The following ADAMTS17 variants were observed in gnomAD, a reference collection of about 807,000 sequenced individuals.
ADAMTS17 encodes the protein A disintegrin and metalloproteinase with thrombospondin motifs 17.
A neutral mutation model predicts 141.5 loss-of-function variants in ADAMTS17; 113 were observed. That is an observed-to-expected ratio of 0.80 (90% CI 0.69 to 0.93). The LOEUF is 0.93. Among genes scored for constraint, ADAMTS17 ranks in the 40% least tolerant of loss-of-function variants. ADAMTS17 has a pLI of 0.00. For synonymous variants in ADAMTS17, 768 were observed against 630.6 expected (o/e 1.22, Z -3.27); for missense variants, 1,659 against 1,517.9 (o/e 1.09, Z -1.54).
rs550250750 is a variant in ADAMTS17 at position 100,197,716 on chromosome 15, C to T, written c.1181+1602G>A. Among the ~76,000 whole-genome samples, 4 of 152,268 alleles carry T rather than the reference C, an allele frequency of 2.6e-5. No individual in the cohort carries two copies. In the South Asian group the frequency reaches 6.2e-4, roughly 24 times the overall value. On this transcript the variant is annotated intron_variant, in intron 8 of 21. Coordinates refer to ENST00000268070, the MANE Select transcript of ADAMTS17 (RefSeq NM_139057.4). The stretch of plus-strand genomic sequence containing the variant: ...GGAATTGCACATAACATCATTTCCA[C>T]TCTCTGTACCTACTCACATCATGAC...
At chr15:100,273,920 T>C (rs2043995239) in intron 4 of ADAMTS17, among the ~76,000 whole-genome samples, 1 of 152,222 alleles carries the variant, frequency 6.6e-6, no homozygotes, top group Admixed American at 6.5e-5. Flanking sequence ...ATGTCACTTG[T>C]GATTTCTTCT....
intron 14 of ADAMTS17, among the ~76,000 whole-genome samples, chr15:100,106,160 A>T (rs2036403124): frequency 6.6e-6 from 1 of 152,130 alleles, no homozygotes; most frequent in African/African-American, 2.4e-5. Context: ...CCATGCCTGG[A>T]TACTAGCTCT....
intron 2 of ADAMTS17, among the ~76,000 whole-genome samples, chr15:100,332,405 G>A (rs1486238119): frequency 2.6e-5 from 4 of 152,210 alleles, no homozygotes; most frequent in South Asian, 2.1e-4. Context: ...GGCAGGGTAC[G>A]GCACAGTGCC....
chr15:99,981,935 A>C (rs565005285), intron 20 of ADAMTS17, among the ~76,000 whole-genome samples: 1 of 152,178 alleles, frequency 6.6e-6, no homozygotes, highest in Non-Finnish European at 1.5e-5. Context: ...CTCCTAAAGC[A>C]GAGTTTTGAT....
intron 14 of ADAMTS17, among the ~76,000 whole-genome samples, chr15:100,106,755 G>C (rs1339753770): frequency 6.6e-6 from 1 of 152,210 alleles, no homozygotes. Flanking sequence ...GATGGTCTGT[G>C]GAAGTGTGTA....
chr15:100,154,929 C>G (rs976205966), intron 9 of ADAMTS17, among the ~76,000 whole-genome samples: 1 of 152,188 alleles, frequency 6.6e-6, no homozygotes, highest in African/African-American at 2.4e-5. Flanking sequence ...GACAGGGTGA[C>G]TATGTTGACA....
At chr15:100,277,026 C>G (rs987720949) in intron 4 of ADAMTS17, among the ~76,000 whole-genome samples, 2 of 152,052 alleles carry the variant, frequency 1.3e-5, no homozygotes, top group African/African-American at 4.8e-5. Flanking sequence ...TGTGAGCCCC[C>G]CTGTGCAAGG....
intron 3 of ADAMTS17, among the ~76,000 whole-genome samples, chr15:100,281,616 C>A (rs1400665362): frequency 6.6e-6 from 1 of 152,144 alleles, no homozygotes; most frequent in African/African-American, 2.4e-5. Context: ...AGCTATGAGG[C>A]CAGATGAGGG....
intron 8 of ADAMTS17, among the ~76,000 whole-genome samples, chr15:100,183,986 G>A (rs74654637): frequency 1.3e-3 from 201 of 152,270 alleles, no homozygotes; most frequent in African/African-American, 4.5e-3. Context: ...GGGGGGTCAG[G>A]GAGAGAGAAG....
In ADAMTS17 at chr15:99,976,025, G is replaced by A. The variant is rs374295287; in HGVS notation, c.3127+20C>T. 1.3e-6 allele frequency: 2 copies of A among 1,544,954 alleles called. No homozygotes were observed. Among genetic ancestry groups the A allele is most frequent in the Non-Finnish European group, 1.8e-6 (2 of 1,142,664 alleles). ...AGACACAGCAGCCCCCTGGGAACCG[G>A]GGCCAGTGAAGACACTCACCAAGGC... On this transcript the variant is annotated intron_variant, in intron 21 of 21. Coordinates refer to ENST00000268070, the MANE Select transcript of ADAMTS17 (RefSeq NM_139057.4).
At chr15:100,219,711 A>C (rs2042074112) in intron 7 of ADAMTS17, among the ~76,000 whole-genome samples, 1 of 152,214 alleles carries the variant, frequency 6.6e-6, no homozygotes. Flanking sequence ...GCACAACAGC[A>C]GGAAAGAATA....
Position 99,997,163 on chromosome 15 carries a change from C to T in ADAMTS17, c.2796+222G>A, listed in dbSNP as rs1156645429. Among the ~76,000 whole-genome samples the T allele has an allele frequency of 6.6e-6, 1 of 152,248 alleles. No individual in the cohort carries two copies. The highest frequency in any genetic ancestry group is 2.1e-4 in the South Asian group (1 of 4,834). On this transcript the variant is annotated intron_variant, in intron 19 of 21. Transcript: ENST00000268070. This position sits in a 1 kb window ranked among gnomAD's most constrained non-coding sequence, Gnocchi z 4.7. Reference sequence around the variant, plus strand: ...TCATAGGAAATGGGATCAAACAGTCCTTCACTGTGGTGTTGACATGTACAT... The same window carrying T: ...TCATAGGAAATGGGATCAAACAGTCTTTCACTGTGGTGTTGACATGTACAT...
At chr15:100,083,991 G>T (rs1248349288) in intron 15 of ADAMTS17, among the ~76,000 whole-genome samples, 1 of 151,984 alleles carries the variant, frequency 6.6e-6, no homozygotes, top group East Asian at 1.9e-4. Context: ...GCTGGACAGT[G>T]GGTGCAGGAC....
chr15:100,097,491 C>T (rs531690000), intron 14 of ADAMTS17, among the ~76,000 whole-genome samples: 3 of 152,222 alleles, frequency 2.0e-5, no homozygotes, highest in South Asian at 2.1e-4. Context: ...GTACTCCCAC[C>T]TGCAGGCAGG....
intron 18 of ADAMTS17, among the ~76,000 whole-genome samples, chr15:100,012,678 G>T (rs956825738): frequency 6.6e-6 from 1 of 152,084 alleles, no homozygotes; most frequent in East Asian, 1.9e-4. Context: ...TTGCTTTGTC[G>T]AAGATCAGTT....
At chr15:100,335,305 T>C (rs568604218) in intron 2 of ADAMTS17, among the ~76,000 whole-genome samples, 1 of 152,166 alleles carries the variant, frequency 6.6e-6, no homozygotes, top group Non-Finnish European at 1.5e-5. Context: ...TCAGTTCCTC[T>C]ACCCCCATCT....
At chr15:100,219,276 G>T (rs1014676576) in intron 7 of ADAMTS17, among the ~76,000 whole-genome samples, 1 of 152,156 alleles carries the variant, frequency 6.6e-6, no homozygotes, top group African/African-American at 2.4e-5. Context: ...AAATTATGGT[G>T]ATGGCTGTGT....
chr15:100,336,098 T>C (rs1430955326), intron 2 of ADAMTS17, among the ~76,000 whole-genome samples: 1 of 152,258 alleles, frequency 6.6e-6, no homozygotes, highest in East Asian at 1.9e-4. Flanking sequence ...GTCCCATCTT[T>C]TACTTCTTTT....
Position 100,251,504 on chromosome 15 carries a change from T to A in ADAMTS17, c.1075+2632A>T, listed in dbSNP as rs571080152. On this transcript the variant is annotated intron_variant, in intron 7 of 21. Transcript: ENST00000268070. ...ACTCTGGGAGGCCGAGGCGGATGGA[T>A]CATGAGATCAGCAGATCGAGACCAT... Among the ~76,000 whole-genome samples, 10 of 152,230 alleles carry A rather than the reference T, an allele frequency of 6.6e-5. No homozygotes were observed. In the South Asian group the frequency reaches 2.1e-3, roughly 32 times the overall value.
Sources: gnomAD v4.1 joint callset for allele counts (sites outside exome capture counted in the v4.1 genomes callset) on GRCh38, gnomAD v4.1.1 for gene constraint, Gnocchi (gnomAD v3.1) non-coding constraint, MANE v1.5 for transcripts, NCBI Gene and HGNC (gene_info 2026-07-23, HGNC 2026-07-21) for gene names.